PARD3B: variants seen among roughly 807,000 people sequenced by gnomAD.
The protein encoded by PARD3B is partitioning defective 3 homolog B.
In PARD3B, 103 loss-of-function variants were observed where a neutral mutation model predicts 130.2. The observed-to-expected ratio is 0.79, with a 90% CI of 0.67 to 0.93. The LOEUF (loss-of-function observed/expected upper bound fraction) is 0.93, where lower values mean the gene tolerates loss of function less well. Among genes scored for constraint, PARD3B ranks in the 40% least tolerant of loss-of-function variants. PARD3B has a pLI of 0.00. For missense variants in PARD3B, 1,609 were observed against 1,499.2 expected, an observed-to-expected ratio of 1.07 and a Z score of -1.21; for synonymous variants, 583 against 553.2, an observed-to-expected ratio of 1.05 and a Z score of -0.76.
At chr2:205,129,934 C>T (rs185323582) in intron 10 of PARD3B, among the ~76,000 whole-genome samples, 141 of 152,278 alleles carry the variant, frequency 9.3e-4, no homozygotes, top group African/African-American at 3.1e-3. Flanking sequence ...TATTCTAGTT[C>T]GTGTCCTTCC....
chr2:204,899,522 A>C (rs2046782158), intron 2 of PARD3B, among the ~76,000 whole-genome samples: 1 of 152,130 alleles, frequency 6.6e-6, no homozygotes, highest in Non-Finnish European at 1.5e-5. Flanking sequence ...CTACACTTTA[A>C]CTTTGTCCCT....
At chr2:204,839,497 T>C (rs2044184189) in intron 2 of PARD3B, among the ~76,000 whole-genome samples, 2 of 152,198 alleles carry the variant, frequency 1.3e-5, no homozygotes, top group African/African-American at 4.8e-5. Flanking sequence ...GCCACAGCTT[T>C]GTGGCGACTT....
intron 12 of PARD3B, among the ~76,000 whole-genome samples, chr2:205,175,525 C>G (rs924350548): frequency 1.3e-5 from 2 of 152,174 alleles, no homozygotes; most frequent in Non-Finnish European, 2.9e-5. Flanking sequence ...AAATATAAAT[C>G]CAATGCTTTG....
intron 4 of PARD3B, among the ~76,000 whole-genome samples, chr2:205,067,228 C>G (rs1195365897): frequency 6.7e-6 from 1 of 148,878 alleles, no homozygotes; most frequent in South Asian, 2.2e-4. Context: ...ATGCTGCAAT[C>G]CTAGCTCACT....
At chr2:204,646,514 G>A (rs755261846) in intron 1 of PARD3B, among the ~76,000 whole-genome samples, 13 of 151,970 alleles carry the variant, frequency 8.6e-5, no homozygotes, top group Admixed American at 2.0e-4. Context: ...TATTAAACGT[G>A]AATTATCCAC....
rs75344967 is a variant in PARD3B at position 205,551,962 on chromosome 2, T to G, written c.3181-1362T>G. Reference sequence around the variant, plus strand: ...AGAGCAAAAGGAAGCACATGAGTGGTCCATGTGATACCAAGTGCGTTGAGG... The same window carrying G: ...AGAGCAAAAGGAAGCACATGAGTGGGCCATGTGATACCAAGTGCGTTGAGG... On this transcript the variant is annotated intron_variant, in intron 21 of 22. Transcript: ENST00000406610. Among the ~76,000 whole-genome samples the G allele has an allele frequency of 4.7e-3, 713 of 152,320 alleles. 5 individuals carry two copies. The highest frequency in any genetic ancestry group is 0.015 in the African/African-American group (644 of 41,574).
chr2:204,585,761 C>G (rs564079154), intron 1 of PARD3B, among the ~76,000 whole-genome samples: 1 of 152,012 alleles, frequency 6.6e-6, no homozygotes, highest in South Asian at 2.1e-4. Flanking sequence ...GACGATTCAC[C>G]TCTCTCCCAT....
chr2:205,009,033 C>T (rs997467988), intron 3 of PARD3B, among the ~76,000 whole-genome samples: 9 of 151,978 alleles, frequency 5.9e-5, no homozygotes, highest in South Asian at 2.1e-4. Context: ...AGATAGTGCC[C>T]GGCATGTAGT....
At position 204,978,965 on chromosome 2, in the gene PARD3B, C is replaced by CAAAAAA. The variant is rs34432147; in HGVS notation, c.394+13658_394+13663dup. Among the ~76,000 whole-genome samples the CAAAAAA allele has an allele frequency of 4.0e-5, 3 of 74,916 alleles. No individual in the cohort carries two copies. The South Asian group carries it at 1.6e-3, about 39-fold the overall frequency. The allele number at this position is 74,916 out of a possible 152,430, so 49.1% of individuals were successfully genotyped here. On this transcript the variant is annotated intron_variant, in intron 3 of 22. Transcript: ENST00000406610. ...GAGAGACAAAATGAGACCCTGGCCT[C>CAAAAAA]AAAAAAAAAAAAAAAAAAAAAGACA...
intron 21 of PARD3B, among the ~76,000 whole-genome samples, chr2:205,535,325 T>A (rs1159786537): frequency 1.3e-5 from 2 of 152,150 alleles, no homozygotes; most frequent in Non-Finnish European, 2.9e-5. Flanking sequence ...AGCAGAGTGG[T>A]GGTACTCAGA....
At position 205,584,530 on chromosome 2, in the gene PARD3B, T is replaced by C. The variant is rs1212761033; in HGVS notation, c.3261-30926T>C. On this transcript the variant is annotated intron_variant, in intron 22 of 22. Coordinates refer to ENST00000406610, the MANE Select transcript of PARD3B (RefSeq NM_001302769.2). This position sits in a 1 kb window ranked among gnomAD's most constrained non-coding sequence, Gnocchi z 5.5. ...CCATCCCTACTAAAAATACAAAAATTAGCCGGGTGTGGTGGCGGGTGCCTG... is the reference window on the plus strand; with the variant it reads ...CCATCCCTACTAAAAATACAAAAATCAGCCGGGTGTGGTGGCGGGTGCCTG... 6.6e-6 allele frequency among the ~76,000 whole-genome samples: 1 copy of C among 151,792 alleles called. No individual in the cohort carries two copies. Among genetic ancestry groups the C allele is most frequent in the Admixed American group, 6.6e-5 (1 of 15,244 alleles).
At chr2:205,344,196 G>GTGTT (rs68162179) in intron 18 of PARD3B, among the ~76,000 whole-genome samples, 4,645 of 145,550 alleles carry the variant, frequency 0.032, 112 homozygotes, top group Middle Eastern at 0.063. Flanking sequence ...CAGTTGGTTT[G>GTGTT]TGTGTGTGTG....
chr2:205,276,579 T>TG lies in PARD3B; in HGVS notation c.2186-23949dup, dbSNP rs2040958307. Among the ~76,000 whole-genome samples the TG allele has an allele frequency of 6.6e-6, 1 of 152,216 alleles. No individual in the cohort carries two copies. The highest frequency in any genetic ancestry group is 2.4e-5 in the African/African-American group (1 of 41,544). On this transcript the variant is annotated intron_variant, in intron 16 of 22. Coordinates refer to ENST00000406610, the MANE Select transcript of PARD3B (RefSeq NM_001302769.2). The surrounding 1 kb of genome is among the most constrained non-coding windows in gnomAD (Gnocchi z 5.0). ...GGAGCAGCACCCACCATCTCACAAATGGCCCTTCTCGGCAACGTTGGGGGA... is the reference window on the plus strand; with the variant it reads ...GGAGCAGCACCCACCATCTCACAAATGGGCCCTTCTCGGCAACGTTGGGGGA...
In PARD3B at chr2:204,866,518, A is replaced by G. The variant is rs111495060; in HGVS notation, c.223-98634A>G. ...AATAATTTATTCATTAAAAAAAGGT[A>G]TTGACCTCCTACTTATTAGGTGCCA... On this transcript the variant is annotated intron_variant, in intron 2 of 22. Transcript: ENST00000406610. 6.6e-3 allele frequency among the ~76,000 whole-genome samples: 1,002 copies of G among 152,174 alleles called. 7 individuals carry two copies. The highest frequency in any genetic ancestry group is 0.023 in the African/African-American group (940 of 41,518).
chr2:204,989,591 A>C (rs1693472839), intron 3 of PARD3B, among the ~76,000 whole-genome samples: 1 of 151,990 alleles, frequency 6.6e-6, no homozygotes, highest in Admixed American at 6.6e-5. Flanking sequence ...CATCTATTTC[A>C]CTTTTCTGTG....
chr2:205,331,949 C>CA (rs1029360698), intron 18 of PARD3B, among the ~76,000 whole-genome samples: 1 of 151,640 alleles, frequency 6.6e-6, no homozygotes, highest in Non-Finnish European at 1.5e-5. Context: ...ACTAAAAATA[C>CA]AAAAAATTAG....
chr2:205,383,353 C>T (rs2045551130), intron 18 of PARD3B, among the ~76,000 whole-genome samples: 1 of 151,886 alleles, frequency 6.6e-6, no homozygotes, highest in Non-Finnish European at 1.5e-5. Context: ...TTGTTCAACC[C>T]TCATATATTC....
rs1454554832 is a variant in PARD3B at position 205,125,473 on chromosome 2, A to G, written c.1306-136A>G. The stretch of plus-strand genomic sequence containing the variant: ...TGGGAAATATTGTTGGGTTTTGCCC[A>G]TGTATTTAGTTATCATCTTTTCAGA... On this transcript the variant is annotated intron_variant, in intron 9 of 22. Coordinates refer to ENST00000406610, the MANE Select transcript of PARD3B (RefSeq NM_001302769.2). This position sits in a 1 kb window ranked among gnomAD's most constrained non-coding sequence, Gnocchi z 4.0. 5.3e-6 allele frequency: 5 copies of G among 951,768 alleles called. No individual in the cohort carries two copies. The highest frequency in any genetic ancestry group is 3.0e-5 in the Admixed American group (1 of 33,316). 59.0% of individuals were successfully genotyped at this position (951,768 alleles called of 1,614,324 possible).
At chr2:204,674,644 T>C (rs1472655321) in intron 1 of PARD3B, among the ~76,000 whole-genome samples, 1 of 152,224 alleles carries the variant, frequency 6.6e-6, no homozygotes, top group Non-Finnish European at 1.5e-5. Flanking sequence ...CCAGTACCTC[T>C]TCTGCAATAA....
Sources: gnomAD v4.1 joint callset for allele counts (sites outside exome capture counted in the v4.1 genomes callset) on GRCh38, gnomAD v4.1.1 for gene constraint, Gnocchi (gnomAD v3.1) non-coding constraint, MANE v1.5 for transcripts, NCBI Gene and HGNC (gene_info 2026-07-23, HGNC 2026-07-21) for gene names.